Variants in PLEKHA8 observed in about 807,000 individuals in gnomAD.
PLEKHA8 encodes pleckstrin homology domain containing A8, also known as pleckstrin homology domain-containing family A member 8.
In PLEKHA8, 36 loss-of-function variants were observed where a neutral mutation model predicts 68.2. That is an observed-to-expected ratio of 0.53 (90% CI 0.40 to 0.70). PLEKHA8 has a LOEUF of 0.70. PLEKHA8 is among the 30% of genes least tolerant of loss of function. The pLI, the probability that PLEKHA8 is intolerant of heterozygous loss-of-function variation, is 0.00. For missense variants in PLEKHA8, 505 were observed against 615.4 expected, an observed-to-expected ratio of 0.82 and a Z score of 1.90; for synonymous variants, 211 against 216.1, an observed-to-expected ratio of 0.98 and a Z score of 0.20.
Position 30,080,956 on chromosome 7 carries a change from C to CA in PLEKHA8, c.*2170dup, listed in dbSNP as rs1293998464. The CA allele has an allele frequency of 4.1e-6, 4 of 985,270 alleles. No homozygotes were observed. 61.0% of individuals were successfully genotyped at this position (985,270 alleles called of 1,614,324 possible). A position where few individuals can be genotyped will look rare whatever the true frequency, so the allele number is the denominator to read the frequency against. On this transcript the variant is annotated 3_prime_UTR_variant, in exon 14 of 14. Transcript: ENST00000449726. ...AATTGTGCAGTGTGATCATTCTAAA[C>CA]AGCTGCTGGTGCTCCCTGTCACCTC...
chr7:30,028,822 C>CG lies in PLEKHA8; in HGVS notation c.40+25dup. 1 of 1,259,898 alleles carries CG rather than the reference C, an allele frequency of 7.9e-7. No homozygotes were observed. The allele number at this position is 1,259,898 out of a possible 1,614,324, so 78.0% of individuals were successfully genotyped here. Reference sequence around the variant, plus strand: ...TGAGCGGTGAGTGGCCGTGCCGGGCCGGGGGCGCGCCGGGGGCCGGTCCTT... The same window carrying CG: ...TGAGCGGTGAGTGGCCGTGCCGGGCCGGGGGGCGCGCCGGGGGCCGGTCCTT... On this transcript the variant is annotated intron_variant, in intron 1 of 13. Coordinates refer to ENST00000449726, the MANE Select transcript of PLEKHA8 (RefSeq NM_001197026.2).
At chr7:30,048,201 A>G (rs1223269902) in intron 4 of PLEKHA8, among the ~76,000 whole-genome samples, 1 of 152,164 alleles carries the variant, frequency 6.6e-6, no homozygotes, top group Non-Finnish European at 1.5e-5. Context: ...ACATTTCATC[A>G]TATGCGTGTG....
rs2110753 is a variant in PLEKHA8, at chr7:30,055,781, T to G, written c.1039+439T>G. 7.6e-3 allele frequency among the ~76,000 whole-genome samples: 1,150 copies of G among 152,078 alleles called. 20 individuals carry two copies. The highest frequency in any genetic ancestry group is 0.026 in the African/African-American group (1,074 of 41,472). On this transcript the variant is annotated intron_variant, in intron 9 of 13. Transcript: ENST00000449726. Reference sequence around the variant, plus strand: ...CCCAGGCTCAAGCAATCCTTCCACCTCAGCCTTCTTGGTAGCTGGACTATA... The same window carrying G: ...CCCAGGCTCAAGCAATCCTTCCACCGCAGCCTTCTTGGTAGCTGGACTATA...
chr7:30,122,512 C>T (rs149951789), intron 13 of PLEKHA8, among the ~76,000 whole-genome samples: 9 of 152,302 alleles, frequency 5.9e-5, no homozygotes, highest in East Asian at 1.9e-4. Context: ...TATAGAAAAA[C>T]GACCACAATG....
At chr7:30,129,020 G>A in intron 13 of PLEKHA8, among the ~76,000 whole-genome samples, 1 of 152,188 alleles carries the variant, frequency 6.6e-6, no homozygotes, top group East Asian at 1.9e-4. Flanking sequence ...AATAGGCCCT[G>A]CCTCCACCAC....
intron 9 of PLEKHA8, 67 bp downstream of exon 9, chr7:30,055,409 A>G: frequency 7.1e-7 from 1 of 1,404,944 alleles, no homozygotes; most frequent in South Asian, 1.2e-5. Context: ...GTTATTTTGC[A>G]GGAGAAATAC....
intron 13 of PLEKHA8, among the ~76,000 whole-genome samples, chr7:30,100,099 G>T (rs1421688562): frequency 6.6e-6 from 1 of 152,072 alleles, no homozygotes; most frequent in Non-Finnish European, 1.5e-5. Flanking sequence ...TGTGTCTGTT[G>T]TCTTCATGTG....
intron 9 of PLEKHA8, among the ~76,000 whole-genome samples, chr7:30,059,137 A>G (rs903031728): frequency 6.6e-6 from 1 of 152,224 alleles, no homozygotes; most frequent in Non-Finnish European, 1.5e-5. Context: ...AAAAGCATTG[A>G]GTCTTCCAAT....
In PLEKHA8 at chr7:30,080,012, C is replaced by T; in HGVS notation, c.*1225C>T. ...ATTCTTAATTGAGCCAGCATTGACA[C>T]CCAGCCAGCAGGCCTTTGCATTGCA... On this transcript the variant is annotated 3_prime_UTR_variant, in exon 14 of 14. Coordinates refer to ENST00000449726, the MANE Select transcript of PLEKHA8 (RefSeq NM_001197026.2). 2 of 985,020 alleles carry T rather than the reference C, an allele frequency of 2.0e-6. No homozygotes were observed. The highest frequency in any genetic ancestry group is 1.2e-6 in the Non-Finnish European group (1 of 829,870). The allele number at this position is 985,020 out of a possible 1,614,324, so 61.0% of individuals were successfully genotyped here.
chr7:30,047,884 C>T lies in PLEKHA8; in HGVS notation c.366C>T (p.Leu122=). Residue 122 remains leucine, a synonymous_variant, in exon 4 of 14, where the codon CTC becomes CTT. Transcript: ENST00000449726. ...AAACCAAAATGTCAGAACTAAGACT[C>T]TACTGTGACCTCCTTGTTCAGCAAG... ...NLKTKMSELR[L]YCDLLVQQVD... 3.1e-6 allele frequency: 5 copies of T among 1,608,714 alleles called. No homozygotes were observed. Among genetic ancestry groups the T allele is most frequent in the Non-Finnish European group, 4.3e-6 (5 of 1,176,024 alleles).
intron 13 of PLEKHA8, among the ~76,000 whole-genome samples, chr7:30,115,671 T>C (rs1194093024): frequency 4.0e-5 from 6 of 151,386 alleles, no homozygotes; most frequent in South Asian, 2.1e-4. Context: ...TATACGTGTA[T>C]ACATACGCAC....
chr7:30,045,029 G>A, intron 1 of PLEKHA8, 56 bp from the exon 2 acceptor site: 2 of 1,219,344 alleles, frequency 1.6e-6, no homozygotes, highest in Admixed American at 2.0e-5. Context: ...CTGTATCTTG[G>A]GAGGTAGTTC....
intron 13 of PLEKHA8, 140 bp downstream of exon 13, chr7:30,074,272 G>A (rs1794469471): frequency 1.6e-6 from 1 of 629,812 alleles, no homozygotes; most frequent in Non-Finnish European, 2.6e-6. Context: ...GTGTGTGTGT[G>A]TATGTGTGGT....
At chr7:30,070,294 C>T (rs187547445) in intron 12 of PLEKHA8, among the ~76,000 whole-genome samples, 57 of 152,286 alleles carry the variant, frequency 3.7e-4, no homozygotes, top group Middle Eastern at 3.4e-3. Flanking sequence ...ATAAGCATAA[C>T]AAGGAACAGC....
intron 13 of PLEKHA8, among the ~76,000 whole-genome samples, chr7:30,116,387 G>A (rs948778294): frequency 1.3e-5 from 2 of 151,692 alleles, no homozygotes; most frequent in Admixed American, 6.6e-5. Flanking sequence ...TTACATGTGC[G>A]ATTTTTCACC....
rs1795000907 is a variant in PLEKHA8, at chr7:30,082,696, A to G, written c.*3909A>G. ...GTGATAGGGACCAAATAAGTAAAGT[A>G]CATTTTTCTCCACTAAATTTGAAGT... On this transcript the variant is annotated 3_prime_UTR_variant, in exon 14 of 14. Coordinates refer to ENST00000449726, the MANE Select transcript of PLEKHA8 (RefSeq NM_001197026.2). 38 of 985,070 alleles carry G rather than the reference A, an allele frequency of 3.9e-5. No homozygotes were observed. The highest frequency in any genetic ancestry group is 4.5e-5 in the Non-Finnish European group (37 of 829,702). 61.0% of individuals were successfully genotyped at this position (985,070 alleles called of 1,614,324 possible).
intron 9 of PLEKHA8, 104 bp from the exon 10 acceptor site, chr7:30,060,780 A>G (rs1224091413): frequency 4.6e-5 from 41 of 891,712 alleles, no homozygotes; most frequent in Non-Finnish European, 7.0e-5. Context: ...GGAAGCAAAA[A>G]TTAAAGTTGT....
At chr7:30,115,802 ATACACGCATGCATGTATACATGCG>A (rs1196076888) in intron 13 of PLEKHA8, 4 of 140,950 alleles carry the variant, frequency 2.8e-5, no homozygotes, top group Non-Finnish European at 6.2e-5. Flanking sequence ...ACATACATGT[ATACACGCATGCATGTATACATGCG>A]TGCACATACA....
intron 13 of PLEKHA8, among the ~76,000 whole-genome samples, chr7:30,110,173 A>G (rs1453800911): frequency 2.6e-5 from 4 of 151,632 alleles, no homozygotes; most frequent in Non-Finnish European, 5.9e-5. Context: ...TTAAGCAGTC[A>G]CCCCCCATTC....
Sources: gnomAD v4.1 joint callset for allele counts (sites outside exome capture counted in the v4.1 genomes callset) on GRCh38, gnomAD v4.1.1 for gene constraint, MANE v1.5 for transcripts, NCBI Gene and HGNC (gene_info 2026-07-23, HGNC 2026-07-21) for gene names.